The following GREB1 variants were observed in gnomAD, a reference collection of about 807,000 sequenced individuals.
The protein encoded by GREB1 is protein GREB1.
In GREB1, 106 loss-of-function variants were observed where a neutral mutation model predicts 200.7. The ratio of observed to expected loss-of-function variants is 0.53; its 90% confidence interval spans 0.45 to 0.62. GREB1 has a LOEUF of 0.62. Ranked by LOEUF, GREB1 falls within the 20% of genes least tolerant of loss-of-function variation. The pLI is 0.00. For synonymous variants in GREB1, 1,132 were observed against 1,092.4 expected (o/e 1.04, Z -0.72); for missense variants, 2,243 against 2,556.8 (o/e 0.88, Z 2.65).
intron 13 of GREB1, 37 bp downstream of exon 13, chr2:11,596,276 G>A: frequency 6.3e-7 from 1 of 1,588,286 alleles, no homozygotes. Context: ...GGTGGAGAGG[G>A]TACAAAGTAG....
chr2:11,515,116 A>ATCCG (rs993414372), intron 1 of GREB1, among the ~76,000 whole-genome samples: 1 of 140,020 alleles, frequency 7.1e-6, no homozygotes, highest in African/African-American at 2.9e-5. Context: ...CCTTCCATCC[A>ATCCG]TCCATCCATC....
intron 17 of GREB1, among the ~76,000 whole-genome samples, chr2:11,603,180 A>G (rs892080541): frequency 6.6e-6 from 1 of 152,248 alleles, no homozygotes. Flanking sequence ...ATTGAGGCTC[A>G]GACAGGCTAA....
chr2:11,581,189 T>C (rs1182140918), intron 7 of GREB1: 1 of 578,362 alleles, frequency 1.7e-6, no homozygotes, highest in Non-Finnish European at 3.1e-6. Context: ...CAGAAAAATA[T>C]GAATTCAAAA....
intron 32 of GREB1, among the ~76,000 whole-genome samples, chr2:11,639,960 T>C (rs1372512901): frequency 2.0e-5 from 3 of 151,432 alleles, no homozygotes; most frequent in Admixed American, 6.6e-5. Context: ...GTAGGTAGGG[T>C]GGGGTATGTG....
intron 15 of GREB1, among the ~76,000 whole-genome samples, chr2:11,599,323 C>T (rs929142154): frequency 6.6e-6 from 1 of 151,340 alleles, no homozygotes; most frequent in Non-Finnish European, 1.5e-5. Flanking sequence ...ACCACTGATG[C>T]CTGCCCTTCT....
rs567443421 is a variant in GREB1, at chr2:11,574,816, C to T, written c.455-1537C>T. On this transcript the variant is annotated intron_variant, in intron 4 of 32. Transcript: ENST00000381486. ...TTCCCTGTGAGTGTTAGTTCCCTGC[C>T]TGTCCCATGGAAAGCGAGCACATGG... Among the ~76,000 whole-genome samples the T allele has an allele frequency of 1.4e-4, 22 of 152,340 alleles. 1 individual carries two copies. The East Asian group carries it at 4.1e-3, about 28-fold the overall frequency.
At chr2:11,500,602 A>G (rs1673009697) in intron 1 of GREB1, among the ~76,000 whole-genome samples, 1 of 152,228 alleles carries the variant, frequency 6.6e-6, no homozygotes, top group African/African-American at 2.4e-5. Flanking sequence ...GCTGGCCCCA[A>G]TTAGTAAAGT....
At chr2:11,516,654 T>G (rs1283500085) in intron 1 of GREB1, among the ~76,000 whole-genome samples, 1 of 151,184 alleles carries the variant, frequency 6.6e-6, no homozygotes, top group Non-Finnish European at 1.5e-5. Flanking sequence ...GCCCATGCGG[T>G]TGAGGCGTGA....
intron 21 of GREB1, 91 bp from the exon 22 acceptor site, chr2:11,618,169 ACTCCTGGGACAGGTCACTCCTGGGATGG>A: frequency 1.1e-6 from 1 of 887,234 alleles, no homozygotes; most frequent in Admixed American, 3.0e-5. Flanking sequence ...GGGATGGGTG[ACTCCTGGGACAGGTCACTCCTGGGATGG>A]GTGACTCCTG....
intron 23 of GREB1, among the ~76,000 whole-genome samples, chr2:11,624,458 C>A (rs1246408579): frequency 6.6e-6 from 1 of 151,464 alleles, no homozygotes; most frequent in Non-Finnish European, 1.5e-5. Context: ...CATTCTCCTG[C>A]CTCAGCCTCC....
rs755166167 is a variant in GREB1, at chr2:11,618,924, G to C, written c.4044+5G>C. On this transcript the variant is annotated splice_donor_5th_base_variant and intron_variant, in intron 22 of 32. Coordinates refer to ENST00000381486, the MANE Select transcript of GREB1 (RefSeq NM_014668.4). Reference sequence around the variant, plus strand: ...CTGCTCAGCGGCCCCCCTCAGGTGAGTGTTGCTCGCTGCCCCAGCACAGCC... The same window carrying C: ...CTGCTCAGCGGCCCCCCTCAGGTGACTGTTGCTCGCTGCCCCAGCACAGCC... 6.7e-7 allele frequency: 1 copy of C among 1,494,866 alleles called. No individual in the cohort carries two copies. The allele number at this position is 1,494,866 out of a possible 1,614,324, so 92.6% of individuals were successfully genotyped here. A position where few individuals can be genotyped will look rare whatever the true frequency, so the allele number is the denominator to read the frequency against.
rs546065098 is a variant in GREB1, at chr2:11,524,685, C to T, written c.-158-31772C>T. Among the ~76,000 whole-genome samples, 73 of 152,328 alleles carry T rather than the reference C, an allele frequency of 4.8e-4. 1 individual carries two copies. In the East Asian group the frequency reaches 8.9e-3, roughly 19 times the overall value. On this transcript the variant is annotated intron_variant, in intron 1 of 2. Transcript: ENST00000628795. Reference sequence around the variant, plus strand: ...ACTTTTCATACTGTGCTTTCCAAAACACATCAGTCATCTTCTCTTCACTGG... The same window carrying T: ...ACTTTTCATACTGTGCTTTCCAAAATACATCAGTCATCTTCTCTTCACTGG...
At chr2:11,525,503 A>AT (rs796808444) in intron 1 of GREB1, among the ~76,000 whole-genome samples, 5,032 of 151,636 alleles carry the variant, frequency 0.033, 329 homozygotes, top group African/African-American at 0.12. Flanking sequence ...TCTCAAAAAA[A>AT]AAAAAAAAAA....
Position 11,618,638 on chromosome 2 carries a change from C to T in GREB1, c.3763C>T (p.Gln1255Ter). 1 of 1,613,562 alleles carries T rather than the reference C, an allele frequency of 6.2e-7. No homozygotes were observed. Among genetic ancestry groups the T allele is most frequent in the Non-Finnish European group, 8.5e-7 (1 of 1,179,964 alleles). Residue 1255 changes from glutamine to a stop codon, truncating the protein, a stop_gained, in exon 22 of 33, where the codon CAG becomes TAG. Transcript: ENST00000381486. LOFTEE classifies it high-confidence loss of function. The stretch of plus-strand genomic sequence containing the variant: ...GTGCTCCTTGACCAAGGCCTGCCGC[C>T]AGCCACCCATTGTCTTCTTGCCCAA... ...SQCSLTKACR[Q>*]PPIVFLPKLV...
In GREB1 at chr2:11,492,667, G is replaced by A. The variant is rs77724703; in HGVS notation, c.-159+10286G>A. ...TTGCCAGAATCAATGTAAGGGAAGA[G>A]AAAAGGGTAAAAGTTTGTTTTGAGG... On this transcript the variant is annotated intron_variant, in intron 1 of 2. Coordinates refer to the GREB1 transcript ENST00000628795. The surrounding 1 kb of genome is among the most constrained non-coding windows in gnomAD (Gnocchi z 4.0). Among the ~76,000 whole-genome samples, 31 of 152,338 alleles carry A rather than the reference G, an allele frequency of 2.0e-4. No individual in the cohort carries two copies. The East Asian group carries it at 5.8e-3, about 28-fold the overall frequency.
chr2:11,551,288 C>T (rs1335925150), intron 1 of GREB1, among the ~76,000 whole-genome samples: 1 of 152,212 alleles, frequency 6.6e-6, no homozygotes, highest in African/African-American at 2.4e-5. Context: ...ACCAGGCAAC[C>T]AGTTGAATCT....
chr2:11,607,515 CATACATATATATACACATATAT>C (rs1416322587), intron 17 of GREB1, among the ~76,000 whole-genome samples: 4 of 113,258 alleles, frequency 3.5e-5, no homozygotes, highest in African/African-American at 1.4e-4. Context: ...CATATATGTA[CATACATATATATACACATATAT>C]ATACATATAT....
chr2:11,612,734 C>A, intron 19 of GREB1, 124 bp downstream of exon 19: 2 of 622,594 alleles, frequency 3.2e-6, no homozygotes, highest in Non-Finnish European at 5.8e-6. Context: ...TTCACAGGCC[C>A]CGTGGGTGGG....
Position 11,610,677 on chromosome 2 carries a change from GTTCCTTGC to G in GREB1, c.2667-10_2667-3del. The G allele has an allele frequency of 6.2e-7, 1 of 1,600,814 alleles. No homozygotes were observed. Among genetic ancestry groups the G allele is most frequent in the Non-Finnish European group, 8.5e-7 (1 of 1,172,252 alleles). On this transcript the variant is annotated splice_polypyrimidine_tract_variant and splice_region_variant and intron_variant, in intron 17 of 32. Coordinates refer to ENST00000381486, the MANE Select transcript of GREB1 (RefSeq NM_014668.4). ...GCCGTCACAGACATGGTCTCTCTGT[GTTCCTTGC>G]AGGTTCCCCCGCCTGCACAGCGCGG...
Sources: allele counts gnomAD v4.1 joint callset (sites outside exome capture counted in the v4.1 genomes callset), GRCh38; gene constraint gnomAD v4.1.1; non-coding constraint Gnocchi (gnomAD v3.1); transcripts MANE v1.5; gene names NCBI Gene and HGNC (gene_info 2026-07-23, HGNC 2026-07-21).